The following CAMTA1 variants were observed in gnomAD, a reference collection of about 807,000 sequenced individuals.
CAMTA1 encodes calmodulin-binding transcription activator 1.
In CAMTA1, 27 loss-of-function variants were observed where a neutral mutation model predicts 170.9. The ratio of observed to expected loss-of-function variants is 0.16; its 90% CI spans 0.12 to 0.22. CAMTA1 has a LOEUF of 0.22. CAMTA1 is among the 10% of genes least tolerant of loss of function. The probability of loss-of-function intolerance (pLI) is 1.00; values close to 1 mark genes in which losing one functional copy is unlikely to be tolerated. For missense variants in CAMTA1, 1,619 were observed against 2,217.2 expected (o/e 0.73, Z 5.42); for synonymous variants, 833 against 891.5 (o/e 0.93, Z 1.17).
At chr1:7,122,808 G>T (rs553912922) in intron 4 of CAMTA1, among the ~76,000 whole-genome samples, 2 of 151,990 alleles carry the variant, frequency 1.3e-5, no homozygotes, top group African/African-American at 4.8e-5. Flanking sequence ...GCTTGGTGTC[G>T]CCCGAGTCTC....
At chr1:7,172,596 T>C (rs1649881544) in intron 4 of CAMTA1, among the ~76,000 whole-genome samples, 1 of 152,194 alleles carries the variant, frequency 6.6e-6, no homozygotes, top group Non-Finnish European at 1.5e-5. Context: ...AGAGCCTGAA[T>C]TTCTGCACAC....
At chr1:7,583,865 A>C (rs1222462732) in intron 6 of CAMTA1, among the ~76,000 whole-genome samples, 1 of 152,060 alleles carries the variant, frequency 6.6e-6, no homozygotes, top group East Asian at 1.9e-4. Context: ...CACTGTCCTC[A>C]CCCTAGGGAT....
chr1:6,881,857 T>C (rs1237241466), intron 3 of CAMTA1, among the ~76,000 whole-genome samples: 1 of 152,032 alleles, frequency 6.6e-6, no homozygotes, highest in Non-Finnish European at 1.5e-5. Context: ...ATCTCAGCTA[T>C]ACGGGAGGCT....
intron 4 of CAMTA1, among the ~76,000 whole-genome samples, chr1:7,163,518 G>T (rs1457752304): frequency 6.6e-6 from 1 of 152,180 alleles, no homozygotes; most frequent in African/African-American, 2.4e-5. Context: ...AATGGCACCG[G>T]CTTCCAGGGA....
Position 7,596,722 on chromosome 1 carries a change from C to T in CAMTA1, c.511-43678C>T, listed in dbSNP as rs145576448. 4.2e-3 allele frequency among the ~76,000 whole-genome samples: 641 copies of T among 152,340 alleles called. 9 individuals are homozygous for T. The highest frequency in any genetic ancestry group is 0.015 in the African/African-American group (620 of 41,578). On this transcript the variant is annotated intron_variant, in intron 6 of 22. Transcript: ENST00000303635. ...ATCACCCGCTGGGGACAGCCAAATC[C>T]GTCAAGCCCCACGGCACTTGCTTTT...
chr1:7,603,122 A>G (rs1262590936), intron 6 of CAMTA1, among the ~76,000 whole-genome samples: 4 of 152,180 alleles, frequency 2.6e-5, no homozygotes, highest in Non-Finnish European at 5.9e-5. Context: ...CAATTTTGGA[A>G]TAGGTGTGGT....
chr1:7,116,672 G>T (rs1367363169), intron 4 of CAMTA1, among the ~76,000 whole-genome samples: 1 of 146,924 alleles, frequency 6.8e-6, no homozygotes, highest in Admixed American at 6.8e-5. Flanking sequence ...TTTTTTTATG[G>T]AGTCTCTCTC....
chr1:7,406,496 C>A (rs2090297457), intron 5 of CAMTA1, among the ~76,000 whole-genome samples: 1 of 152,140 alleles, frequency 6.6e-6, no homozygotes, highest in Non-Finnish European at 1.5e-5. Flanking sequence ...TTTGGTTTGA[C>A]AACAATATCC....
chr1:7,433,975 G>A (rs1458585288), intron 5 of CAMTA1, among the ~76,000 whole-genome samples: 2 of 152,114 alleles, frequency 1.3e-5, no homozygotes, highest in Admixed American at 6.5e-5. Flanking sequence ...GGACGGGGAA[G>A]CATTAAGCCT....
chr1:7,290,674 T>G (rs921629078), intron 5 of CAMTA1, among the ~76,000 whole-genome samples: 4 of 152,208 alleles, frequency 2.6e-5, no homozygotes, highest in Admixed American at 1.3e-4. Flanking sequence ...TAGCTTTACT[T>G]GCTGCGACGT....
At chr1:6,884,335 C>CACACAAAA (rs776481131) in intron 3 of CAMTA1, among the ~76,000 whole-genome samples, 1 of 144,010 alleles carries the variant, frequency 6.9e-6, no homozygotes, top group Non-Finnish European at 1.5e-5. Flanking sequence ...CACACACACA[C>CACACAAAA]AATTTTGTTT....
At chr1:7,704,837 C>T (rs1352533323) in intron 11 of CAMTA1, among the ~76,000 whole-genome samples, 1 of 146,156 alleles carries the variant, frequency 6.8e-6, no homozygotes, top group East Asian at 2.0e-4. Flanking sequence ...GCGCGGGAGC[C>T]AGTGAGCGGC....
rs1324393887 is a variant in CAMTA1, at chr1:7,674,554, G to A, written c.2780-3045G>A. 2.0e-5 allele frequency among the ~76,000 whole-genome samples: 3 copies of A among 152,096 alleles called. No individual in the cohort carries two copies. Among genetic ancestry groups the A allele is most frequent in the African/African-American group, 4.8e-5 (2 of 41,406 alleles). On this transcript the variant is annotated intron_variant, in intron 10 of 22. Coordinates refer to ENST00000303635, the MANE Select transcript of CAMTA1 (RefSeq NM_015215.4). The surrounding 1 kb of genome is among the most constrained non-coding windows in gnomAD (Gnocchi z 4.1). ...AGCATGTTGGGAGGCCGAGGCGGGCGGATCACTTGAAGTCAGGAGTTCGAG... is the reference window on the plus strand; with the variant it reads ...AGCATGTTGGGAGGCCGAGGCGGGCAGATCACTTGAAGTCAGGAGTTCGAG...
chr1:7,419,377 G>A (rs892990335), intron 5 of CAMTA1, among the ~76,000 whole-genome samples: 5 of 151,998 alleles, frequency 3.3e-5, no homozygotes, highest in Admixed American at 6.6e-5. Flanking sequence ...GGCTGGTCTC[G>A]AACTTCTGAA....
At chr1:6,923,063 G>T (rs1682367343) in intron 3 of CAMTA1, among the ~76,000 whole-genome samples, 1 of 152,142 alleles carries the variant, frequency 6.6e-6, no homozygotes, top group African/African-American at 2.4e-5. Flanking sequence ...ATGAATTAAA[G>T]TCGATTTAGA....
intron 3 of CAMTA1, among the ~76,000 whole-genome samples, chr1:6,916,207 C>T (rs891538591): frequency 6.6e-6 from 1 of 152,142 alleles, no homozygotes; most frequent in Non-Finnish European, 1.5e-5. Context: ...CTCCGGGTCT[C>T]ACCCTGCCTG....
chr1:7,726,685 C>T (rs980072124), intron 11 of CAMTA1, among the ~76,000 whole-genome samples: 1 of 152,190 alleles, frequency 6.6e-6, no homozygotes, highest in Non-Finnish European at 1.5e-5. Context: ...GTACCCTTGC[C>T]CAGAGTTCAC....
intron 21 of CAMTA1, 87 bp downstream of exon 21, chr1:7,752,620 A>G: frequency 9.9e-7 from 1 of 1,008,766 alleles, no homozygotes; most frequent in Non-Finnish European, 1.4e-6. Flanking sequence ...TCCTATGTAA[A>G]GCTAATCCCC....
At chr1:7,385,166 T>A (rs191368771) in intron 5 of CAMTA1, among the ~76,000 whole-genome samples, 1 of 150,738 alleles carries the variant, frequency 6.6e-6, no homozygotes, top group African/African-American at 2.4e-5. Context: ...CTCGGCTCAC[T>A]GCAACCTCCG....
Sources: allele counts gnomAD v4.1 joint callset (sites outside exome capture counted in the v4.1 genomes callset), GRCh38; gene constraint gnomAD v4.1.1; non-coding constraint Gnocchi (gnomAD v3.1); transcripts MANE v1.5; gene names NCBI Gene and HGNC (gene_info 2026-07-23, HGNC 2026-07-21).